The following TMEM156 variants were observed in gnomAD, a reference collection of about 807,000 sequenced individuals.
TMEM156 encodes transmembrane protein 156.
A neutral mutation model predicts 30.5 loss-of-function variants in TMEM156; 28 were observed. The ratio of observed to expected loss-of-function variants is 0.92; its 90% CI spans 0.68 to 1.26. The LOEUF is 1.26. TMEM156 is among the 50% of genes most tolerant of loss of function. TMEM156 has a pLI of 0.00. For missense variants in TMEM156, 351 were observed against 340.6 expected, an observed-to-expected ratio of 1.03 and a Z score of -0.24; for synonymous variants, 137 against 119.9, an observed-to-expected ratio of 1.14 and a Z score of -0.93.
chr4:38,974,864 G>C (rs752920064), intron 5 of TMEM156, among the ~76,000 whole-genome samples: 24 of 151,676 alleles, frequency 1.6e-4, no homozygotes, highest in Non-Finnish European at 2.9e-4. Context: ...GTAAAGACAG[G>C]GTTTCACCAT....
At chr4:38,992,683 TATATA>T (rs1288352799) in intron 3 of TMEM156, among the ~76,000 whole-genome samples, 1 of 34,286 alleles carries the variant, frequency 2.9e-5, no homozygotes, top group Non-Finnish European at 5.5e-5. Flanking sequence ...TATAATATAT[TATATA>T]ATATATTATA....
chr4:38,993,528 C>T (rs1022035030), intron 3 of TMEM156, among the ~76,000 whole-genome samples: 1 of 152,098 alleles, frequency 6.6e-6, no homozygotes, highest in African/African-American at 2.4e-5. Flanking sequence ...ATAAATGCCT[C>T]CTCTTTCTCA....
intron 1 of TMEM156, among the ~76,000 whole-genome samples, chr4:39,001,407 AAG>A (rs1491049499): frequency 6.6e-6 from 1 of 151,422 alleles, no homozygotes; most frequent in African/African-American, 2.4e-5. Flanking sequence ...AAAAAAAAAA[AAG>A]AAAGAAAACA....
chr4:39,020,871 C>A (rs1286438082), intron 1 of TMEM156, among the ~76,000 whole-genome samples: 1 of 152,090 alleles, frequency 6.6e-6, no homozygotes, highest in Non-Finnish European at 1.5e-5. Flanking sequence ...TTTGAGGAGC[C>A]TTTATGCTGT....
intron 5 of TMEM156, among the ~76,000 whole-genome samples, chr4:38,972,376 G>A (rs1387754646): frequency 1.4e-5 from 2 of 147,666 alleles, no homozygotes; most frequent in Non-Finnish European, 3.0e-5. Flanking sequence ...TCAGCCTCCT[G>A]AGTAGCTGGG....
intron 1 of TMEM156, among the ~76,000 whole-genome samples, chr4:39,006,226 G>C (rs1713728859): frequency 6.6e-6 from 1 of 152,078 alleles, no homozygotes; most frequent in African/African-American, 2.4e-5. Flanking sequence ...TCTGACCAGT[G>C]CTTTTCAGAT....
intron 3 of TMEM156, 77 bp from the exon 4 acceptor site, chr4:38,989,047 G>T: frequency 7.0e-7 from 1 of 1,436,146 alleles, no homozygotes; most frequent in Non-Finnish European, 9.6e-7. Flanking sequence ...GTGTAGCTGA[G>T]TTCTACAACA....
intron 1 of TMEM156, among the ~76,000 whole-genome samples, chr4:39,006,776 T>C (rs1713767798): frequency 6.6e-6 from 1 of 151,588 alleles, no homozygotes; most frequent in African/African-American, 2.4e-5. Context: ...ATAATAATAA[T>C]AATAATGATA....
rs78469567 is a variant in TMEM156 at position 38,972,560 on chromosome 4, C to CT, written c.824-1424dup. Among the ~76,000 whole-genome samples the CT allele has an allele frequency of 1.2e-3, 169 of 143,616 alleles. 1 individual carries two copies. The highest frequency in any genetic ancestry group is 3.6e-3 in the Middle Eastern group (1 of 274). 94.2% of individuals were successfully genotyped at this position (143,616 alleles called of 152,430 possible). On this transcript the variant is annotated intron_variant, in intron 5 of 6. Transcript: ENST00000381938. ...GCCACCATTCCCTGCCTCTTTCTTTCTTTTTTTTTTTTTCTGGGGAGTAGT... is the reference window on the plus strand; with the variant it reads ...GCCACCATTCCCTGCCTCTTTCTTTCTTTTTTTTTTTTTTCTGGGGAGTAGT...
At chr4:38,988,807 A>G in intron 4 of TMEM156, 44 bp downstream of exon 4, 1 of 1,611,192 alleles carries the variant, frequency 6.2e-7, no homozygotes. Flanking sequence ...TGAAATCCAT[A>G]GAAGAGATCA....
intron 1 of TMEM156, chr4:39,028,311 C>T (rs915026575): frequency 1.3e-5 from 2 of 152,126 alleles, no homozygotes; most frequent in Non-Finnish European, 1.5e-5. Context: ...ATTTAATAAT[C>T]GTCATCATTT....
intron 3 of TMEM156, among the ~76,000 whole-genome samples, chr4:38,992,726 T>TATATATATATAATATATATATATATATA (rs1560367029): frequency 1.6e-4 from 9 of 56,168 alleles, no homozygotes; most frequent in Non-Finnish European, 2.6e-4. Context: ...ATATATATAA[T>TATATATATATAATATATATATATATATA]ATATATATAA....
At chr4:38,983,415 T>C (rs576727489) in intron 5 of TMEM156, among the ~76,000 whole-genome samples, 1 of 152,332 alleles carries the variant, frequency 6.6e-6, no homozygotes, top group East Asian at 1.9e-4. Flanking sequence ...TTACTTTTTT[T>C]TGAGACACAG....
At chr4:38,983,866 C>T (rs1711761634) in intron 5 of TMEM156, among the ~76,000 whole-genome samples, 2 of 152,196 alleles carry the variant, frequency 1.3e-5, no homozygotes, top group Admixed American at 1.3e-4. Flanking sequence ...TGTCATATTT[C>T]CCAATCCCTC....
intron 4 of TMEM156, among the ~76,000 whole-genome samples, chr4:38,987,078 C>T (rs1487442520): frequency 6.6e-6 from 1 of 152,156 alleles, no homozygotes; most frequent in Non-Finnish European, 1.5e-5. Context: ...CTCCCCACTA[C>T]TGGTCTCCTT....
chr4:38,992,005 G>A (rs564407019), intron 3 of TMEM156, among the ~76,000 whole-genome samples: 1 of 152,038 alleles, frequency 6.6e-6, no homozygotes, highest in Non-Finnish European at 1.5e-5. Flanking sequence ...ATAGGGCCGT[G>A]GGAAAACTTA....
Position 39,029,670 on chromosome 4 carries a change from C to T in TMEM156, c.88+2556G>A, listed in dbSNP as rs1473341408. ...CGGAGCTTGCAGTGAGCCGAGATCGCGCCACTGCACTCCAGCCTGGGCGAC... is the reference window on the plus strand; with the variant it reads ...CGGAGCTTGCAGTGAGCCGAGATCGTGCCACTGCACTCCAGCCTGGGCGAC... On this transcript the variant is annotated intron_variant, in intron 1 of 6. Coordinates refer to ENST00000381938, the MANE Select transcript of TMEM156 (RefSeq NM_024943.3). Among the ~76,000 whole-genome samples, 3 of 12,178 alleles carry T rather than the reference C, an allele frequency of 2.5e-4. 1 individual carries two copies. The Admixed American group carries it at 3.0e-3, about 12-fold the overall frequency. 8.0% of individuals were successfully genotyped at this position (12,178 alleles called of 152,430 possible).
chr4:38,979,795 C>T (rs1476215664), intron 5 of TMEM156, among the ~76,000 whole-genome samples: 1 of 152,236 alleles, frequency 6.6e-6, no homozygotes, highest in Non-Finnish European at 1.5e-5. Context: ...CAGGTCAAGA[C>T]AGCTGTGAAA....
chr4:39,013,876 G>A (rs1431843951), intron 1 of TMEM156, among the ~76,000 whole-genome samples: 1 of 152,050 alleles, frequency 6.6e-6, no homozygotes, highest in East Asian at 1.9e-4. Flanking sequence ...TTTTATAATT[G>A]TAGTGTAATG....
Sources: allele counts gnomAD v4.1 joint callset (sites outside exome capture counted in the v4.1 genomes callset), GRCh38; gene constraint gnomAD v4.1.1; transcripts MANE v1.5; gene names NCBI Gene and HGNC (gene_info 2026-07-23, HGNC 2026-07-21).